Variants in PTPRN2 observed in about 807,000 individuals in gnomAD.
PTPRN2 encodes protein tyrosine phosphatase receptor type N2, also known as receptor-type tyrosine-protein phosphatase N2.
Under a neutral mutation model 118.8 loss-of-function variants are expected in PTPRN2, and 74 were observed. That is an observed-to-expected ratio of 0.62 (90% confidence interval 0.52 to 0.76). The LOEUF (loss-of-function observed/expected upper bound fraction) is 0.76. Among genes scored for constraint, PTPRN2 ranks in the 30% least tolerant of loss-of-function variants. The pLI, the probability that PTPRN2 is intolerant of heterozygous loss-of-function variation, is 0.00. For missense variants in PTPRN2, 1,481 were observed against 1,394.4 expected, an observed-to-expected ratio of 1.06 and a Z score of -0.99; for synonymous variants, 641 against 608.0, an observed-to-expected ratio of 1.05 and a Z score of -0.80.
intron 2 of PTPRN2, among the ~76,000 whole-genome samples, chr7:158,478,716 AAC>A (rs1820442471): frequency 6.6e-6 from 1 of 152,114 alleles, no homozygotes. Flanking sequence ...GCAGACGAGA[AAC>A]ACAACTTATA....
intron 12 of PTPRN2, among the ~76,000 whole-genome samples, chr7:157,844,520 G>C (rs1307988254): frequency 6.6e-6 from 1 of 152,222 alleles, no homozygotes; most frequent in Non-Finnish European, 1.5e-5. Flanking sequence ...TGAGGGCCAG[G>C]AGGAGAGGGT....
chr7:157,699,557 G>A (rs1392424388), intron 12 of PTPRN2, among the ~76,000 whole-genome samples: 1 of 152,170 alleles, frequency 6.6e-6, no homozygotes, highest in Non-Finnish European at 1.5e-5. Flanking sequence ...GCCAGTAGCT[G>A]GGATTACAGG....
At position 157,716,093 on chromosome 7, in the gene PTPRN2, G is replaced by T. The variant is rs1638763; in HGVS notation, c.1789-33156C>A. ...GATGGCCTGTGACCCATCAGCTCCC[G>T]GGCCATCCCTTTGGGTTCAGCCACA... On this transcript the variant is annotated intron_variant, in intron 12 of 22. Coordinates refer to ENST00000389418, the MANE Select transcript of PTPRN2 (RefSeq NM_002847.5). Among the ~76,000 whole-genome samples, 31 of 152,330 alleles carry T rather than the reference G, an allele frequency of 2.0e-4. No individual in the cohort carries two copies. The East Asian group carries it at 5.6e-3, about 27-fold the overall frequency.
At chr7:158,049,902 CAA>C (rs34291428) in intron 11 of PTPRN2, among the ~76,000 whole-genome samples, 5 of 149,640 alleles carry the variant, frequency 3.3e-5, no homozygotes, top group South Asian at 2.2e-4. Context: ...GATTCCATCT[CAA>C]AAAAAAAAAT....
In PTPRN2 at chr7:158,538,501, G is replaced by A. The variant is rs191478221; in HGVS notation, c.113-48716C>T. On this transcript the variant is annotated intron_variant, in intron 1 of 22. Transcript: ENST00000389418. ...GGAAAAAGCGCAGCCTCCGTGGGTCGTGATTTCTGTGGCTTCTATAATGCG... is the reference window on the plus strand; with the variant it reads ...GGAAAAAGCGCAGCCTCCGTGGGTCATGATTTCTGTGGCTTCTATAATGCG... Among the ~76,000 whole-genome samples the A allele has an allele frequency of 9.1e-4, 139 of 152,270 alleles. 2 individuals are homozygous for A. The highest frequency in any genetic ancestry group is 2.8e-3 in the African/African-American group (116 of 41,554).
At chr7:157,847,515 C>T (rs1808932292) in intron 12 of PTPRN2, among the ~76,000 whole-genome samples, 1 of 140,522 alleles carries the variant, frequency 7.1e-6, no homozygotes, top group Non-Finnish European at 1.6e-5. Flanking sequence ...ATCATGCGTG[C>T]CCGATGTCTA....
chr7:158,324,380 T>C (rs1166355773), intron 2 of PTPRN2, among the ~76,000 whole-genome samples: 2 of 152,156 alleles, frequency 1.3e-5, no homozygotes, highest in Non-Finnish European at 2.9e-5. Flanking sequence ...AATGGAGATG[T>C]CCGTGGAAGT....
rs946985102 is a variant in PTPRN2 at position 157,977,213 on chromosome 7, A to T, written c.1724-78476T>A. ...TACAGGTGCCGTTCCAGCACCGGGG[A>T]CTCCCTGGTGTGACCCACAGGTAGG... On this transcript the variant is annotated intron_variant, in intron 11 of 22. Coordinates refer to ENST00000389418, the MANE Select transcript of PTPRN2 (RefSeq NM_002847.5). This position sits in a 1 kb window ranked among gnomAD's most constrained non-coding sequence, Gnocchi z 4.6. 2.0e-5 allele frequency among the ~76,000 whole-genome samples: 3 copies of T among 151,742 alleles called. No individual in the cohort carries two copies. Among genetic ancestry groups the T allele is most frequent in the Admixed American group, 6.6e-5 (1 of 15,230 alleles).
In PTPRN2 at chr7:158,238,958, G is replaced by A. The variant is rs113849425; in HGVS notation, c.278-33685C>T. Among the ~76,000 whole-genome samples the A allele has an allele frequency of 4.3e-4, 66 of 152,300 alleles. 1 individual carries two copies. Among genetic ancestry groups the A allele is most frequent in the Non-Finnish European group, 6.0e-4 (41 of 68,026 alleles). On this transcript the variant is annotated intron_variant, in intron 3 of 22. Transcript: ENST00000389418. ...CAGGCTGGCCTATGCTAAGCCACGCGGCTCCCCAGACTCCTGAATGGAGAA... is the reference window on the plus strand; with the variant it reads ...CAGGCTGGCCTATGCTAAGCCACGCAGCTCCCCAGACTCCTGAATGGAGAA...
At chr7:157,557,528 C>A (rs1437306272) in intron 21 of PTPRN2, among the ~76,000 whole-genome samples, 3 of 135,250 alleles carry the variant, frequency 2.2e-5, no homozygotes, top group Non-Finnish European at 4.7e-5. Context: ...GCCCACACAA[C>A]ACCCACACCC....
chr7:158,132,062 G>A (rs113026330), intron 9 of PTPRN2, among the ~76,000 whole-genome samples: 2,776 of 147,528 alleles, frequency 0.019, 70 homozygotes, highest in African/African-American at 0.059. Flanking sequence ...TGCACAAACC[G>A]ATACACATCT....
chr7:157,982,268 GCC>G lies in PTPRN2; in HGVS notation c.1724-83533_1724-83532del, dbSNP rs1438516360. Among the ~76,000 whole-genome samples the G allele has an allele frequency of 3.0e-3, 172 of 58,104 alleles. 2 individuals carry two copies. The highest frequency in any genetic ancestry group is 5.1e-3 in the African/African-American group (82 of 16,120). 38.1% of individuals were successfully genotyped at this position (58,104 alleles called of 152,430 possible). On this transcript the variant is annotated intron_variant, in intron 11 of 22. Coordinates refer to ENST00000389418, the MANE Select transcript of PTPRN2 (RefSeq NM_002847.5). ...GTCCCCCCAAACCCCGAGTCATAGA[GCC>G]AAGGAGGGGAATGCAGAGTGCAGGG...
intron 11 of PTPRN2, among the ~76,000 whole-genome samples, chr7:158,002,342 G>A (rs150223285): frequency 0.013 from 1,973 of 152,268 alleles, 23 homozygotes; most frequent in Non-Finnish European, 0.021. Flanking sequence ...TTGGGAGAAG[G>A]TCATATGAAA....
chr7:158,032,360 C>T (rs568466426), intron 11 of PTPRN2, among the ~76,000 whole-genome samples: 1 of 152,246 alleles, frequency 6.6e-6, no homozygotes, highest in South Asian at 2.1e-4. Context: ...CCCCTCCTTC[C>T]CCGGCTTTGA....
chr7:158,523,416 A>AGTC (rs1193434782), intron 1 of PTPRN2, among the ~76,000 whole-genome samples: 49 of 130,024 alleles, frequency 3.8e-4, no homozygotes, highest in African/African-American at 1.1e-3. Flanking sequence ...CCTGGAGCGG[A>AGTC]GTCTGCCCTG....
At chr7:158,511,870 A>G (rs1358870330) in intron 1 of PTPRN2, among the ~76,000 whole-genome samples, 2 of 152,222 alleles carry the variant, frequency 1.3e-5, no homozygotes, top group African/African-American at 4.8e-5. Flanking sequence ...TTAAAAGATC[A>G]GTGGTTGTCA....
intron 3 of PTPRN2, among the ~76,000 whole-genome samples, chr7:158,260,765 C>T (rs578176988): frequency 3.9e-5 from 6 of 152,142 alleles, no homozygotes; most frequent in Non-Finnish European, 5.9e-5. Context: ...CTCGCTGCCA[C>T]GCCTACACAA....
intron 3 of PTPRN2, among the ~76,000 whole-genome samples, chr7:158,298,885 T>C (rs1364280068): frequency 2.0e-5 from 3 of 152,180 alleles, no homozygotes; most frequent in Non-Finnish European, 4.4e-5. Flanking sequence ...TCATCACTTC[T>C]TCCTGGGCCA....
chr7:158,296,663 G>T (rs532791064), intron 3 of PTPRN2, among the ~76,000 whole-genome samples: 3 of 152,196 alleles, frequency 2.0e-5, no homozygotes, highest in Non-Finnish European at 2.9e-5. Context: ...CAGCCTGCCC[G>T]TCTGTATGCT....
Sources: allele counts gnomAD v4.1 joint callset (sites outside exome capture counted in the v4.1 genomes callset), GRCh38; gene constraint gnomAD v4.1.1; non-coding constraint Gnocchi (gnomAD v3.1); transcripts MANE v1.5; gene names NCBI Gene and HGNC (gene_info 2026-07-23, HGNC 2026-07-21).